Variants in VPS13D observed in about 807,000 individuals in gnomAD.
VPS13D encodes intermembrane lipid transfer protein VPS13D.
Under a neutral mutation model 461.9 loss-of-function variants are expected in VPS13D, and 187 were observed. The observed-to-expected ratio is 0.40, with a 90% CI of 0.36 to 0.46. The LOEUF (loss-of-function observed/expected upper bound fraction) is 0.46, where lower values mean the gene tolerates loss of function less well. Ranked by LOEUF, VPS13D falls within the 20% of genes least tolerant of loss-of-function variation. VPS13D has a pLI of 0.60. For synonymous variants in VPS13D, 1,951 were observed against 1,986.3 expected, an observed-to-expected ratio of 0.98 and a Z score of 0.47; for missense variants, 4,711 against 5,364.9, an observed-to-expected ratio of 0.88 and a Z score of 3.81.
Position 12,283,033 on chromosome 1 carries a change from G to C in VPS13D, c.4931G>C (p.Ser1644Thr). ...DLTLGAQGLVSLKFQDFEVEF... is the reference protein window; with the variant it reads ...DLTLGAQGLVTLKFQDFEVEF... ...ACTTTGGGGGCCCAAGGTCTTGTGA[G>C]CTTAAAGTTTCAGGACTTTGAGGTG... Residue 1644 changes from serine to threonine, a missense_variant, in exon 21 of 70, where the codon AGC becomes ACC. Coordinates refer to ENST00000620676, the MANE Select transcript of VPS13D (RefSeq NM_015378.4). 6.2e-7 allele frequency: 1 copy of C among 1,614,128 alleles called. No individual in the cohort carries two copies. Among genetic ancestry groups the C allele is most frequent in the Middle Eastern group, 1.6e-4 (1 of 6,062 alleles).
chr1:12,235,352 G>C (rs1036363476), intron 2 of VPS13D, among the ~76,000 whole-genome samples: 3 of 152,176 alleles, frequency 2.0e-5, no homozygotes, highest in African/African-American at 7.2e-5. Flanking sequence ...GCTAAGGCAG[G>C]CGGATCACGA....
chr1:12,300,020 C>G (rs928413335), intron 25 of VPS13D, among the ~76,000 whole-genome samples: 9 of 151,704 alleles, frequency 5.9e-5, no homozygotes, highest in Non-Finnish European at 8.8e-5. Context: ...CCCATTCCCC[C>G]CAACCCCCCG....
intron 1 of VPS13D, among the ~76,000 whole-genome samples, chr1:12,232,774 A>G (rs571496871): frequency 8.8e-4 from 133 of 150,898 alleles, no homozygotes; most frequent in Admixed American, 2.6e-3. Flanking sequence ...ATAATCGACT[A>G]AGATTGTTCA....
At chr1:12,396,618 T>G (rs1204217973) in intron 60 of VPS13D, among the ~76,000 whole-genome samples, 1 of 152,188 alleles carries the variant, frequency 6.6e-6, no homozygotes, top group African/African-American at 2.4e-5. Flanking sequence ...AACTACATCC[T>G]TACTGGGAGT....
chr1:12,404,196 C>G (rs1644619114), intron 63 of VPS13D, among the ~76,000 whole-genome samples: 2 of 148,818 alleles, frequency 1.3e-5, no homozygotes, highest in South Asian at 4.2e-4. Context: ...AACTTAAATA[C>G]GACATTGCCG....
chr1:12,237,818 C>A (rs926016984), intron 2 of VPS13D, among the ~76,000 whole-genome samples: 2 of 151,862 alleles, frequency 1.3e-5, no homozygotes, highest in African/African-American at 2.4e-5. Flanking sequence ...CAGAGCAAGA[C>A]CCTGTTTCAA....
At chr1:12,367,448 T>C (rs979802250) in intron 52 of VPS13D, among the ~76,000 whole-genome samples, 1 of 152,188 alleles carries the variant, frequency 6.6e-6, no homozygotes, top group Non-Finnish European at 1.5e-5. Context: ...AATAATCCCA[T>C]TGAGGGAATA....
intron 2 of VPS13D, 152 bp from the exon 3 acceptor site, chr1:12,242,361 C>T: frequency 1.6e-6 from 1 of 640,000 alleles, no homozygotes; most frequent in Non-Finnish European, 2.7e-6. Context: ...ATGATGTAGC[C>T]CGTTCTAGAT....
At position 12,386,288 on chromosome 1, in the gene VPS13D, A is replaced by T. The variant is rs144706588; in HGVS notation, c.11588A>T (p.Gln3863Leu). 7.4e-6 allele frequency: 12 copies of T among 1,612,568 alleles called. No homozygotes were observed. The African/African-American group carries it at 1.6e-4, about 22-fold the overall frequency. ...ACAGGAATCAATGTGCACTATACAC[A>T]GCTGGCAACCAGTCACATGCTTGAA... ...SLTGINVHYT[Q>L]LATSHMLELS... Residue 3863 changes from glutamine to leucine, a missense_variant, in exon 60 of 70, where the codon CAG (glutamine) becomes CTG (leucine). Gln to Leu is a moderately radical substitution (Grantham distance 113, BLOSUM62 -2). This residue lies in a region of VPS13D where 4,411 missense variants were observed against 4,937.8 expected (regional missense o/e 0.89). Coordinates refer to ENST00000620676, the MANE Select transcript of VPS13D (RefSeq NM_015378.4).
intron 16 of VPS13D, among the ~76,000 whole-genome samples, chr1:12,270,476 A>G (rs1036361494): frequency 3.3e-5 from 5 of 152,166 alleles, no homozygotes; most frequent in African/African-American, 1.2e-4. Flanking sequence ...GAGAAAAAAA[A>G]GAATATAGAA....
intron 57 of VPS13D, among the ~76,000 whole-genome samples, chr1:12,380,205 A>AATGTAATTTTAAAAAGAAAAAAATTACCT (rs1445378742): frequency 6.6e-6 from 1 of 152,180 alleles, no homozygotes; most frequent in Non-Finnish European, 1.5e-5. Context: ...ATATATTACC[A>AATGTAATTTTAAAAAGAAAAAAATTACCT]ATGTAATTTT....
At chr1:12,351,536 C>A (rs1643794217) in intron 46 of VPS13D, among the ~76,000 whole-genome samples, 2 of 152,062 alleles carry the variant, frequency 1.3e-5, no homozygotes, top group Non-Finnish European at 2.9e-5. Context: ...GCAATCCACC[C>A]ACCTTGGCCT....
At position 12,342,709 on chromosome 1, in the gene VPS13D, A is replaced by G. The variant is rs1027490699; in HGVS notation, c.8733-190A>G. ...CTTTCAGCTGTTTCTAAAATGTCAA[A>G]TAAGTTGTGATTCAGCACGAAGATA... On this transcript the variant is annotated intron_variant, in intron 41 of 69. Coordinates refer to ENST00000620676, the MANE Select transcript of VPS13D (RefSeq NM_015378.4). The G allele has an allele frequency of 5.9e-5, 31 of 526,822 alleles. No individual in the cohort carries two copies. In the South Asian group the frequency reaches 9.8e-4, roughly 17 times the overall value. 32.6% of individuals were successfully genotyped at this position (526,822 alleles called of 1,614,324 possible).
chr1:12,342,011 G>C (rs997079596), intron 41 of VPS13D, 126 bp downstream of exon 41: 8 of 767,106 alleles, frequency 1.0e-5, no homozygotes, highest in Non-Finnish European at 1.6e-5. Flanking sequence ...ATAACTTGCT[G>C]TCTTGCTGAG....
At chr1:12,339,012 G>T (rs1261166516) in intron 40 of VPS13D, among the ~76,000 whole-genome samples, 1 of 151,972 alleles carries the variant, frequency 6.6e-6, no homozygotes, top group Non-Finnish European at 1.5e-5. Flanking sequence ...TATTCGTCAT[G>T]ATTTTTTTAA....
chr1:12,291,922 G>A (rs980192883), intron 23 of VPS13D, among the ~76,000 whole-genome samples: 13 of 152,096 alleles, frequency 8.5e-5, no homozygotes, highest in African/African-American at 2.9e-4. Context: ...TTCTATGTTA[G>A]ATTTTAGAAA....
At chr1:12,489,399 G>C (rs114563521) in intron 67 of VPS13D, among the ~76,000 whole-genome samples, 3,890 of 152,262 alleles carry the variant, frequency 0.026, 129 homozygotes, top group Admixed American at 0.1. Context: ...ATGTCAAATT[G>C]CTAAAAACTT....
chr1:12,243,674 A>G (rs532641299), intron 3 of VPS13D, among the ~76,000 whole-genome samples: 29 of 152,306 alleles, frequency 1.9e-4, no homozygotes, highest in African/African-American at 6.7e-4. Flanking sequence ...CTAGAAATGG[A>G]AGAACTTGGG....
Position 12,244,310 on chromosome 1 carries a change from C to T in VPS13D, c.240C>T (p.Ile80=), listed in dbSNP as rs988838076. 3 of 1,614,022 alleles carry T rather than the reference C, an allele frequency of 1.9e-6. No individual in the cohort carries two copies. Among genetic ancestry groups the T allele is most frequent in the Non-Finnish European group, 2.5e-6 (3 of 1,180,020 alleles). ...GCCCCCATGTGGACCCTTGGGTGAT[C>T]TCCATCTCCAGCCTTCACTTAATTG... The part of the protein sequence containing the change: ...FYRPHVDPWV[I]SISSLHLIGA... The change falls in exon 4 of 70, where the codon ATC becomes ATT. Residue 80 remains isoleucine (I), a synonymous_variant. Coordinates refer to ENST00000620676, the MANE Select transcript of VPS13D (RefSeq NM_015378.4).
Sources: allele counts gnomAD v4.1 joint callset (sites outside exome capture counted in the v4.1 genomes callset), GRCh38; gene constraint gnomAD v4.1.1; regional missense constraint gnomAD v4.1.1; transcripts MANE v1.5; gene names NCBI Gene and HGNC (gene_info 2026-07-23, HGNC 2026-07-21).